SIPA1L2: variants seen among roughly 807,000 people sequenced by gnomAD.
SIPA1L2 encodes signal induced proliferation associated 1 like 2.
SIPA1L2 carries 56 observed loss-of-function variants against 163.9 expected under a neutral mutation model. The observed-to-expected ratio is 0.34, with a 90% confidence interval of 0.28 to 0.43. The LOEUF is 0.43. Among genes scored for constraint, SIPA1L2 ranks in the 20% least tolerant of loss-of-function variants. The pLI is 1.00. For synonymous variants in SIPA1L2, 877 were observed against 865.7 expected, an observed-to-expected ratio of 1.01 and a Z score of -0.23; for missense variants, 1,974 against 2,193.5, an observed-to-expected ratio of 0.90 and a Z score of 2.00.
chr1:232,580,390 G>A (rs895251770), intron 1 of SIPA1L2, among the ~76,000 whole-genome samples: 2 of 152,074 alleles, frequency 1.3e-5, no homozygotes, highest in South Asian at 2.1e-4. Flanking sequence ...TATATCTTGC[G>A]CTGACCTCCT....
chr1:232,463,085 TAGTA>T (rs1664324966), intron 9 of SIPA1L2, among the ~76,000 whole-genome samples: 1 of 152,142 alleles, frequency 6.6e-6, no homozygotes, highest in East Asian at 1.9e-4. Context: ...ATGAAAAAAT[TAGTA>T]AGTATTTCAA....
intron 2 of SIPA1L2, among the ~76,000 whole-genome samples, chr1:232,546,662 T>C (rs1053926019): frequency 2.0e-5 from 3 of 152,180 alleles, no homozygotes; most frequent in Middle Eastern, 3.2e-3. Context: ...ATCGACTAAA[T>C]GTCTAGGCTG....
chr1:232,615,221 C>T (rs1348268795), intron 1 of SIPA1L2, among the ~76,000 whole-genome samples: 1 of 152,246 alleles, frequency 6.6e-6, no homozygotes, highest in African/African-American at 2.4e-5. Context: ...ACAGCACTTG[C>T]TGCCCTTGAG....
rs1453964662 is a variant in SIPA1L2 at position 232,445,472 on chromosome 1, A to C, written c.3353+57T>G. 1.9e-6 allele frequency: 3 copies of C among 1,607,278 alleles called. No individual in the cohort carries two copies. In the African/African-American group the frequency reaches 4.0e-5, roughly 22 times the overall value. On this transcript the variant is annotated intron_variant, in intron 11 of 22. Transcript: ENST00000674635. Reference sequence around the variant, plus strand: ...AAGCAAAACCCTCCCTACAATGTCAAGTTCTCACCCCAGTGATTTACAAGG... The same window carrying C: ...AAGCAAAACCCTCCCTACAATGTCACGTTCTCACCCCAGTGATTTACAAGG...
chr1:232,537,674 T>C (rs1261232380), intron 2 of SIPA1L2, among the ~76,000 whole-genome samples: 1 of 152,232 alleles, frequency 6.6e-6, no homozygotes, highest in African/African-American at 2.4e-5. Context: ...ACCACAGCTC[T>C]ACTTACTAGA....
At chr1:232,560,755 T>A (rs1658987042) in intron 2 of SIPA1L2, among the ~76,000 whole-genome samples, 1 of 152,192 alleles carries the variant, frequency 6.6e-6, no homozygotes, top group Non-Finnish European at 1.5e-5. Flanking sequence ...TCTAAGTGCA[T>A]ATAATTTCTC....
At chr1:232,482,754 G>T (rs1665428513) in intron 6 of SIPA1L2, among the ~76,000 whole-genome samples, 1 of 152,192 alleles carries the variant, frequency 6.6e-6, no homozygotes, top group South Asian at 2.1e-4. Flanking sequence ...CAGACTTGGG[G>T]ACAGGGCTTG....
At position 232,566,850 on chromosome 1, in the gene SIPA1L2, T is replaced by C. The variant is rs573810985; in HGVS notation, c.-270+7324A>G. On this transcript the variant is annotated intron_variant, in intron 2 of 22. Transcript: ENST00000674635. ...ATGCAGTAATTGTTTCCTATTACTCTAGTACACATTCTTGAAGTCTTATGA... is the reference window on the plus strand; with the variant it reads ...ATGCAGTAATTGTTTCCTATTACTCCAGTACACATTCTTGAAGTCTTATGA... 1.4e-4 allele frequency among the ~76,000 whole-genome samples: 22 copies of C among 152,364 alleles called. No homozygotes were observed. In the South Asian group the frequency reaches 4.3e-3, roughly 30 times the overall value.
At chr1:232,495,683 T>C (rs1192071703) in intron 3 of SIPA1L2, among the ~76,000 whole-genome samples, 2 of 152,134 alleles carry the variant, frequency 1.3e-5, no homozygotes, top group Non-Finnish European at 2.9e-5. Context: ...TGCTGCATAA[T>C]GCTGCTTTGG....
rs368868940 is a variant in SIPA1L2 at position 232,460,895 on chromosome 1, C to A, written c.3087G>T (p.Ser1029=). 1 of 1,612,524 alleles carries A rather than the reference C, an allele frequency of 6.2e-7. No individual in the cohort carries two copies. The highest frequency in any genetic ancestry group is 1.3e-5 in the African/African-American group (1 of 75,030). Residue 1029 remains serine, a synonymous_variant, in exon 10 of 23, where the codon TCG becomes TCT. Transcript: ENST00000674635. ...GGCCTCCCACGCCTTACCTTCGGGG[C>A]GAGCCGTCATCATGGGGCTGGATGA... is the stretch of plus-strand genomic sequence containing the variant. ...VVIIQPHDDG[S]PRRGCSELCR... is the part of the protein sequence containing the mutation.
intron 3 of SIPA1L2, among the ~76,000 whole-genome samples, chr1:232,506,908 T>C (rs1309632567): frequency 1.3e-5 from 2 of 152,218 alleles, no homozygotes; most frequent in Admixed American, 1.3e-4. Context: ...AACTTTTTAT[T>C]TCAGAATTCT....
rs527337394 is a variant in SIPA1L2, at chr1:232,617,628, T to C, written c.-319+12241A>G. Among the ~76,000 whole-genome samples the C allele has an allele frequency of 5.3e-5, 8 of 152,056 alleles. No individual in the cohort carries two copies. The East Asian group carries it at 1.5e-3, about 29-fold the overall frequency. On this transcript the variant is annotated intron_variant, in intron 1 of 22. Coordinates refer to ENST00000674635, the MANE Select transcript of SIPA1L2 (RefSeq NM_020808.5). ...ATCACATGCAAGAACATGCAAAACT[T>C]ATCAATGGCCCTAAAAAAAAAAGGA...
rs1662884017 is a variant in SIPA1L2 at position 232,441,394 on chromosome 1, T to G, written c.3539A>C (p.Glu1180Ala). 6.2e-7 allele frequency: 1 copy of G among 1,600,588 alleles called. No individual in the cohort carries two copies. The highest frequency in any genetic ancestry group is 8.5e-7 in the Non-Finnish European group (1 of 1,176,298). ...EDTMEASRHP[E>A]TKWHGPPSKV... Reference sequence around the variant, plus strand: ...GGAAGGTGGGCCATGCCATTTGGTTTCTGTCACATAAAAAGAGAGGAGTTG... The same window carrying G: ...GGAAGGTGGGCCATGCCATTTGGTTGCTGTCACATAAAAAGAGAGGAGTTG... Residue 1180 changes from glutamate to alanine, a missense_variant and splice_region_variant, in exon 14 of 23, where the codon GAA becomes GCA. Physicochemically the swap from Glu to Ala is moderately radical, Grantham distance 107. Transcript: ENST00000674635.
At chr1:232,606,428 T>C (rs1661924076) in intron 1 of SIPA1L2, among the ~76,000 whole-genome samples, 1 of 152,178 alleles carries the variant, frequency 6.6e-6, no homozygotes, top group Non-Finnish European at 1.5e-5. Context: ...TCAAGGTATC[T>C]CTGCTTTCAG....
In SIPA1L2 at chr1:232,629,513, G is replaced by A. The variant is rs1490807044; in HGVS notation, c.-319+356C>T. Among the ~76,000 whole-genome samples the A allele has an allele frequency of 2.6e-5, 4 of 152,194 alleles. No homozygotes were observed. In the East Asian group the frequency reaches 7.7e-4, roughly 29 times the overall value. ...CGGGGAAGCTGCGTCGGGCAACCGC[G>A]AGCCCTTCCAGAGAGCGTTAGTCAG... On this transcript the variant is annotated intron_variant, in intron 1 of 22. Coordinates refer to ENST00000674635, the MANE Select transcript of SIPA1L2 (RefSeq NM_020808.5).
intron 2 of SIPA1L2, among the ~76,000 whole-genome samples, chr1:232,544,801 ACCAGGTG>A (rs1000771756): frequency 7.9e-5 from 12 of 152,312 alleles, no homozygotes; most frequent in South Asian, 2.1e-4. Flanking sequence ...ACAGATAAGC[ACCAGGTG>A]CCTAAAACTT....
At chr1:232,474,829 A>ATTT (rs1664960943) in intron 7 of SIPA1L2, among the ~76,000 whole-genome samples, 1 of 152,214 alleles carries the variant, frequency 6.6e-6, no homozygotes, top group Admixed American at 6.5e-5. Context: ...GAAAATAAGT[A>ATTT]TCAGACAGCA....
intron 1 of SIPA1L2, among the ~76,000 whole-genome samples, chr1:232,624,742 G>A (rs1483775848): frequency 1.3e-5 from 2 of 152,078 alleles, no homozygotes; most frequent in Non-Finnish European, 2.9e-5. Context: ...TAATCTAATG[G>A]GCAGAGTTCA....
intron 10 of SIPA1L2, among the ~76,000 whole-genome samples, chr1:232,454,788 T>C (rs1663798825): frequency 6.6e-6 from 1 of 152,206 alleles, no homozygotes; most frequent in Non-Finnish European, 1.5e-5. Context: ...TTGGAAAGGG[T>C]GACAGCATTT....
Sources: allele counts gnomAD v4.1 joint callset (sites outside exome capture counted in the v4.1 genomes callset), GRCh38; gene constraint gnomAD v4.1.1; transcripts MANE v1.5; gene names NCBI Gene and HGNC (gene_info 2026-07-23, HGNC 2026-07-21).